EYA4: variants seen among roughly 807,000 people sequenced by gnomAD.
EYA4 encodes the protein EYA transcriptional coactivator and phosphatase 4, also known as protein phosphatase EYA4.
EYA4 carries 31 observed loss-of-function variants against 87.9 expected under a neutral mutation model. The ratio of observed to expected loss-of-function variants is 0.35; its 90% confidence interval spans 0.27 to 0.48. The LOEUF is 0.48. Ranked by LOEUF, EYA4 falls within the 20% of genes least tolerant of loss-of-function variation. EYA4 has a pLI of 0.99. For synonymous variants in EYA4, 263 were observed against 270.6 expected (o/e 0.97, Z 0.28); for missense variants, 678 against 761.4 (o/e 0.89, Z 1.29).
chr6:133,419,726 T>TA (rs1021288095), intron 3 of EYA4, among the ~76,000 whole-genome samples: 1 of 152,076 alleles, frequency 6.6e-6, no homozygotes, highest in Non-Finnish European at 1.5e-5. Flanking sequence ...TCTGTGCAAT[T>TA]AAAAAACAGT....
intron 12 of EYA4, 66 bp from the exon 13 acceptor site, chr6:133,482,966 T>C (rs1796346369): frequency 1.6e-6 from 2 of 1,225,868 alleles, no homozygotes; most frequent in African/African-American, 1.5e-5. Context: ...AGACATTTTC[T>C]GCTTGTAAAG....
At chr6:133,386,848 A>C (rs2128488607) in intron 3 of EYA4, among the ~76,000 whole-genome samples, 2 of 152,322 alleles carry the variant, frequency 1.3e-5, no homozygotes, top group Admixed American at 1.3e-4. Context: ...CTAAGATGAT[A>C]GTTTTTCCAC....
intron 1 of EYA4, among the ~76,000 whole-genome samples, chr6:133,258,568 G>A (rs537929510): frequency 5.9e-5 from 9 of 152,074 alleles, no homozygotes; most frequent in South Asian, 2.1e-4. Context: ...TTCAGAGTAC[G>A]TAGTGATGAC....
intron 1 of EYA4, among the ~76,000 whole-genome samples, chr6:133,262,446 G>A (rs770482688): frequency 7.2e-5 from 11 of 152,202 alleles, no homozygotes; most frequent in Non-Finnish European, 1.0e-4. Context: ...CTTAGTATCC[G>A]TAGGGGTGAT....
At chr6:133,309,830 A>G in intron 2 of EYA4, among the ~76,000 whole-genome samples, 1 of 152,174 alleles carries the variant, frequency 6.6e-6, no homozygotes, top group Middle Eastern at 3.2e-3. Context: ...TCTGGCCTAG[A>G]GCTTCATCTT....
At chr6:133,495,631 A>T (rs1797591406) in intron 13 of EYA4, among the ~76,000 whole-genome samples, 1 of 152,044 alleles carries the variant, frequency 6.6e-6, no homozygotes, top group South Asian at 2.1e-4. Flanking sequence ...ATTTAGAGGA[A>T]TAAGAGTGGA....
chr6:133,277,698 T>C (rs1777291937), intron 2 of EYA4, among the ~76,000 whole-genome samples: 1 of 152,160 alleles, frequency 6.6e-6, no homozygotes, highest in African/African-American at 2.4e-5. Flanking sequence ...AAGAATAAAT[T>C]CACCAGCTCT....
chr6:133,468,783 T>C lies in EYA4; in HGVS notation c.970+52T>C, dbSNP rs369779449. Reference sequence around the variant, plus strand: ...CTTTTATATGTTTTGCAATATCTAATAAAACGGAGAAAGTGGACATTCCAA... The same window carrying C: ...CTTTTATATGTTTTGCAATATCTAACAAAACGGAGAAAGTGGACATTCCAA... On this transcript the variant is annotated intron_variant, in intron 11 of 19. Transcript: ENST00000355286. 48 of 1,580,732 alleles carry C rather than the reference T, an allele frequency of 3.0e-5. No homozygotes were observed. In the East Asian group the frequency reaches 3.6e-4, roughly 12 times the overall value.
At chr6:133,524,927 T>C (rs1332435369) in intron 18 of EYA4, 2 of 1,080,142 alleles carry the variant, frequency 1.9e-6, no homozygotes, top group Non-Finnish European at 2.9e-6. Context: ...GTTCAAGTGA[T>C]GTTCAAGAGG....
rs769220102 is a variant in EYA4 at position 133,462,726 on chromosome 6, C to T, written c.686C>T (p.Pro229Leu). 9.3e-6 allele frequency: 15 copies of T among 1,613,912 alleles called. No homozygotes were observed. In the Admixed American group the frequency reaches 1.5e-4, roughly 16 times the overall value. The change falls in exon 9 of 20, where the codon CCA (proline) becomes CTA (leucine). Residue 229 changes from proline (P) to leucine (L), a missense_variant. Physicochemically the swap from Pro to Leu is moderately conservative, Grantham distance 98. Coordinates refer to ENST00000355286, the MANE Select transcript of EYA4 (RefSeq NM_004100.5). ...CLSYSPGFST[P>L]QPGQTPYSYQ... is the part of the protein sequence containing the mutation. ...AGTTACAGCCCAGGGTTCTCTACCCCACAGCCAGGCCAGACACCTTATTCT... is the reference window on the plus strand; with the variant it reads ...AGTTACAGCCCAGGGTTCTCTACCCTACAGCCAGGCCAGACACCTTATTCT...
intron 1 of EYA4, among the ~76,000 whole-genome samples, chr6:133,259,780 C>T (rs1775643815): frequency 6.6e-6 from 1 of 152,136 alleles, no homozygotes; most frequent in Non-Finnish European, 1.5e-5. Context: ...TTCTCCCTCC[C>T]CATAATAAAG....
intron 1 of EYA4, among the ~76,000 whole-genome samples, chr6:133,251,204 C>A (rs1203608169): frequency 6.6e-6 from 1 of 152,032 alleles, no homozygotes; most frequent in East Asian, 1.9e-4. Context: ...ATTATAAGCA[C>A]GTTGTATAAT....
chr6:133,394,739 T>G (rs1218193186), intron 3 of EYA4, among the ~76,000 whole-genome samples: 1 of 152,208 alleles, frequency 6.6e-6, no homozygotes, highest in African/African-American at 2.4e-5. Context: ...AAATGACTGC[T>G]CTTATTACAA....
chr6:133,421,364 A>T (rs941110861), intron 3 of EYA4, among the ~76,000 whole-genome samples: 1 of 152,228 alleles, frequency 6.6e-6, no homozygotes, highest in Non-Finnish European at 1.5e-5. Flanking sequence ...TAACTCAAAC[A>T]TGCCACGGAG....
intron 17 of EYA4, among the ~76,000 whole-genome samples, chr6:133,520,276 C>A (rs1799997936): frequency 6.9e-6 from 1 of 145,160 alleles, no homozygotes; most frequent in Non-Finnish European, 1.5e-5. Context: ...TGATAAGCAA[C>A]TTCAGCAAAG....
At chr6:133,520,993 C>T (rs1448754929) in intron 17 of EYA4, among the ~76,000 whole-genome samples, 2 of 151,618 alleles carry the variant, frequency 1.3e-5, no homozygotes, top group Admixed American at 6.6e-5. Context: ...AAATGTTAGA[C>T]CTAAAACTAT....
intron 2 of EYA4, among the ~76,000 whole-genome samples, chr6:133,299,877 A>G (rs1427384470): frequency 2.0e-5 from 3 of 151,214 alleles, no homozygotes; most frequent in South Asian, 2.1e-4. Context: ...CTAACTTTAT[A>G]TATATACACA....
chr6:133,301,555 A>T (rs1002791445), intron 2 of EYA4, among the ~76,000 whole-genome samples: 2 of 152,388 alleles, frequency 1.3e-5, no homozygotes, highest in South Asian at 4.1e-4. Context: ...ATTACTGCAC[A>T]TTAAGCATGT....
At chr6:133,419,114 G>A (rs1350566286) in intron 3 of EYA4, among the ~76,000 whole-genome samples, 5 of 152,038 alleles carry the variant, frequency 3.3e-5, no homozygotes, top group South Asian at 2.1e-4. Context: ...CTTTTGTTTC[G>A]ATAGGTATAG....
Sources: allele counts gnomAD v4.1 joint callset (sites outside exome capture counted in the v4.1 genomes callset), GRCh38; gene constraint gnomAD v4.1.1; transcripts MANE v1.5; gene names NCBI Gene and HGNC (gene_info 2026-07-23, HGNC 2026-07-21).